RBM38: variants seen among roughly 807,000 people sequenced by gnomAD.
The protein encoded by RBM38 is RNA-binding protein 38.
RBM38 carries 11 observed loss-of-function variants against 23.5 expected under a neutral mutation model. The observed-to-expected ratio is 0.47, with a 90% CI of 0.29 to 0.77. The LOEUF (loss-of-function observed/expected upper bound fraction) is 0.77. Ranked by LOEUF, RBM38 falls within the 30% of genes least tolerant of loss-of-function variation. The probability of loss-of-function intolerance (pLI) is 0.08; values close to 1 mark genes in which losing one functional copy is unlikely to be tolerated. For missense variants in RBM38, 330 were observed against 351.9 expected (o/e 0.94, Z 0.50); for synonymous variants, 165 against 166.1 (o/e 0.99, Z 0.05).
At position 57,393,343 on chromosome 20, in the gene RBM38, C is replaced by T. The variant is rs1196697304; in HGVS notation, c.416+10C>T. 1 of 1,613,196 alleles carries T rather than the reference C, an allele frequency of 6.2e-7. No homozygotes were observed. Among genetic ancestry groups the T allele is most frequent in the Non-Finnish European group, 8.5e-7 (1 of 1,179,494 alleles). ...TCCAGCGGACTTACGGGTGAGTGGA[C>T]ATGGCTGGCTTGGGGTGGGTAGTCC... On this transcript the variant is annotated intron_variant, in intron 3 of 3. Transcript: ENST00000356208.
intron 1 of RBM38, 97 bp downstream of exon 1, chr20:57,391,915 TGCCGCCCCCGCCCCAGGCGCCTCCA>T: frequency 1.2e-6 from 1 of 849,688 alleles, no homozygotes; most frequent in Non-Finnish European, 1.5e-6. Flanking sequence ...GACGGCCCGC[TGCCGCCCCCGCCCCAGGCGCCTCCA>T]GCCGGCGCCC....
At chr20:57,399,969 G>T (rs1480145624) in intron 3 of RBM38, 2 of 456,344 alleles carry the variant, frequency 4.4e-6, no homozygotes, top group African/African-American at 4.0e-5. Context: ...CTGGGCCGTG[G>T]TCAGTTCTTT....
At chr20:57,402,000 T>G (rs2067332941) in intron 3 of RBM38, among the ~76,000 whole-genome samples, 1 of 152,108 alleles carries the variant, frequency 6.6e-6, no homozygotes, top group Non-Finnish European at 1.5e-5. Context: ...CAGGCTGGAG[T>G]GCAGTATCTT....
chr20:57,401,191 C>A (rs1301066827), intron 3 of RBM38, among the ~76,000 whole-genome samples: 1 of 152,178 alleles, frequency 6.6e-6, no homozygotes, highest in East Asian at 1.9e-4. Context: ...ATTCCTCAGG[C>A]CCAAGGAGGC....
intron 3 of RBM38, among the ~76,000 whole-genome samples, chr20:57,402,337 A>G (rs8115634): frequency 0.041 from 6,222 of 152,290 alleles, 427 homozygotes; most frequent in African/African-American, 0.14. Context: ...GCCCGCCTGG[A>G]GAGTCGGTGA....
At chr20:57,399,907 C>G in intron 3 of RBM38, 1 of 456,336 alleles carries the variant, frequency 2.2e-6, no homozygotes. Context: ...GCTCATTTGC[C>G]TTTTTCGTTT....
In RBM38 at chr20:57,392,701, G is replaced by A; in HGVS notation, c.285G>A (p.Pro95=). Residue 95 remains proline (P), a synonymous_variant, in exon 2 of 4, where the codon CCG becomes CCA. Transcript: ENST00000356208. ...RAAAERACKD[P]NPIIDGRKAN... ...CAGCTGAGAGGGCTTGCAAAGACCC[G>A]AACCCCATCATCGACGGCCGCAAGG... 6.8e-6 allele frequency: 11 copies of A among 1,612,894 alleles called. No homozygotes were observed. The highest frequency in any genetic ancestry group is 9.3e-6 in the Non-Finnish European group (11 of 1,179,852).
chr20:57,392,929 C>A (rs964876819), intron 2 of RBM38, 152 bp downstream of exon 2: 4 of 1,055,690 alleles, frequency 3.8e-6, no homozygotes, highest in South Asian at 1.6e-5. Context: ...CCATCCCCCC[C>A]TCGAGGATCT....
chr20:57,405,372 C>T (rs2067372140), intron 3 of RBM38, among the ~76,000 whole-genome samples: 1 of 152,188 alleles, frequency 6.6e-6, no homozygotes, highest in African/African-American at 2.4e-5. Context: ...CGCGCGAGGC[C>T]CTTGTTCCCA....
At position 57,407,672 on chromosome 20, in the gene RBM38, C is replaced by T. The variant is rs1323780433; in HGVS notation, c.546C>T (p.Tyr182=). 1 of 1,612,856 alleles carries T rather than the reference C, an allele frequency of 6.2e-7. No individual in the cohort carries two copies. The highest frequency in any genetic ancestry group is 2.2e-5 in the East Asian group (1 of 44,884). The change falls in exon 4 of 4, where the codon TAC becomes TAT. Residue 182 remains tyrosine, a synonymous_variant. Coordinates refer to ENST00000356208, the MANE Select transcript of RBM38 (RefSeq NM_017495.6). The surrounding 1 kb of genome is among the most constrained non-coding windows in gnomAD (Gnocchi z 4.0). ...CGGCCAGCCCGGCCTACGCCCAGTA[C>T]CCACCGGCCACCTATGACCAGTACC... ...YTPASPAYAQ[Y]PPATYDQYPY...
rs1424042631 is a variant in RBM38, at chr20:57,407,057, A to G, written c.417-486A>G. 2.0e-5 allele frequency among the ~76,000 whole-genome samples: 3 copies of G among 150,888 alleles called. No homozygotes were observed. The highest frequency in any genetic ancestry group is 2.9e-5 in the Non-Finnish European group (2 of 67,902). On this transcript the variant is annotated intron_variant, in intron 3 of 3. Coordinates refer to ENST00000356208, the MANE Select transcript of RBM38 (RefSeq NM_017495.6). This position sits in a 1 kb window ranked among gnomAD's most constrained non-coding sequence, Gnocchi z 4.0. The stretch of plus-strand genomic sequence containing the variant: ...GTTGGCTGGGAGAGCAGGCGTGTAC[A>G]TGAGCCAAGTGTGCAGTGTCACTTG...
intron 3 of RBM38, among the ~76,000 whole-genome samples, chr20:57,402,751 C>T (rs376434218): frequency 8.2e-4 from 125 of 152,358 alleles, no homozygotes; most frequent in Middle Eastern, 3.4e-3. Context: ...AGTGCAGGGC[C>T]GGTGGTTTGG....
intron 3 of RBM38, among the ~76,000 whole-genome samples, chr20:57,401,278 C>T (rs538025116): frequency 6.6e-6 from 1 of 152,324 alleles, no homozygotes; most frequent in South Asian, 2.1e-4. Flanking sequence ...TGTGGTTCCC[C>T]AGAGGCAGTG....
intron 3 of RBM38, among the ~76,000 whole-genome samples, chr20:57,395,708 G>C (rs1034473719): frequency 6.6e-6 from 1 of 152,164 alleles, no homozygotes; most frequent in Non-Finnish European, 1.5e-5. Context: ...GGAGGCAGCG[G>C]GGCAGGCTGC....
Position 57,392,725 on chromosome 20 carries a change from G to A in RBM38, c.309G>A (p.Lys103=), listed in dbSNP as rs2067233330. The A allele has an allele frequency of 6.2e-7, 1 of 1,612,884 alleles. No individual in the cohort carries two copies. Residue 103 remains lysine, a synonymous_variant, in exon 2 of 4, where the codon AAG becomes AAA. Transcript: ENST00000356208. ...CGAACCCCATCATCGACGGCCGCAA[G>A]GCCAACGTGAACCTGGCATATCTGG... ...KDPNPIIDGR[K]ANVNLAYLGA...
chr20:57,401,684 G>A (rs145144808), intron 3 of RBM38, among the ~76,000 whole-genome samples: 236 of 152,346 alleles, frequency 1.5e-3, no homozygotes, highest in African/African-American at 5.4e-3. Context: ...GGACCCCTGA[G>A]GGGTGAGCTT....
intron 3 of RBM38, among the ~76,000 whole-genome samples, chr20:57,405,262 G>A (rs927757742): frequency 6.6e-6 from 1 of 152,214 alleles, no homozygotes; most frequent in Non-Finnish European, 1.5e-5. Flanking sequence ...TAAGCCCCTC[G>A]AGGGCAGGGG....
chr20:57,405,788 G>A (rs1345470181), intron 3 of RBM38, among the ~76,000 whole-genome samples: 1 of 151,700 alleles, frequency 6.6e-6, no homozygotes, highest in Non-Finnish European at 1.5e-5. Flanking sequence ...CTCTGACCCT[G>A]AGGGTCCCTG....
At chr20:57,393,719 T>A (rs1196640611) in intron 3 of RBM38, among the ~76,000 whole-genome samples, 1 of 152,158 alleles carries the variant, frequency 6.6e-6, no homozygotes, top group Non-Finnish European at 1.5e-5. Context: ...ACTGGCAGGC[T>A]GAGTTCTTCC....
Sources: gnomAD v4.1 joint callset for allele counts (sites outside exome capture counted in the v4.1 genomes callset) on GRCh38, gnomAD v4.1.1 for gene constraint, Gnocchi (gnomAD v3.1) non-coding constraint, MANE v1.5 for transcripts, NCBI Gene and HGNC (gene_info 2026-07-23, HGNC 2026-07-21) for gene names.